Variants in CNTNAP5 observed in about 807,000 individuals in gnomAD.
CNTNAP5 encodes contactin-associated protein-like 5.
A neutral mutation model predicts 150.2 loss-of-function variants in CNTNAP5; 72 were observed. That is an observed-to-expected ratio of 0.48 (90% CI 0.40 to 0.58). CNTNAP5 has a LOEUF of 0.58. CNTNAP5 is among the 20% of genes least tolerant of loss of function. The pLI is 0.00. For missense variants in CNTNAP5, 1,636 were observed against 1,626.2 expected, an observed-to-expected ratio of 1.01 and a Z score of -0.10; for synonymous variants, 672 against 619.8, an observed-to-expected ratio of 1.08 and a Z score of -1.25.
intron 4 of CNTNAP5, among the ~76,000 whole-genome samples, chr2:124,422,521 C>T (rs1473270332): frequency 1.3e-5 from 2 of 152,216 alleles, no homozygotes; most frequent in African/African-American, 4.8e-5. Context: ...CTAACATCTG[C>T]TTCCCCTGAC....
intron 11 of CNTNAP5, among the ~76,000 whole-genome samples, chr2:124,583,274 G>A (rs1696454611): frequency 6.6e-6 from 1 of 152,210 alleles, no homozygotes; most frequent in Non-Finnish European, 1.5e-5. Context: ...ATAGCAAGGA[G>A]CAGGAATACT....
intron 8 of CNTNAP5, among the ~76,000 whole-genome samples, chr2:124,516,551 G>A (rs1573429503): frequency 1.3e-5 from 2 of 152,178 alleles, no homozygotes; most frequent in Non-Finnish European, 2.9e-5. Context: ...GGAATAACAG[G>A]TGAATAAAGC....
At chr2:124,767,388 G>T (rs1681090410) in intron 16 of CNTNAP5, among the ~76,000 whole-genome samples, 1 of 152,304 alleles carries the variant, frequency 6.6e-6, no homozygotes, top group South Asian at 2.1e-4. Flanking sequence ...AAGTCTTAGT[G>T]AATGTGTTTT....
chr2:124,510,213 C>G (rs1694525627), intron 8 of CNTNAP5, among the ~76,000 whole-genome samples: 2 of 125,490 alleles, frequency 1.6e-5, no homozygotes, highest in Non-Finnish European at 3.4e-5. Context: ...ATCTAAGAAA[C>G]AAACAAAAAA....
chr2:124,443,155 A>G (rs1297308285), intron 5 of CNTNAP5, among the ~76,000 whole-genome samples: 2 of 151,680 alleles, frequency 1.3e-5, no homozygotes, highest in Non-Finnish European at 2.9e-5. Context: ...AAAGATCTAA[A>G]GTAAATAGAA....
chr2:124,207,933 T>C (rs115432883), intron 1 of CNTNAP5, among the ~76,000 whole-genome samples: 1,827 of 152,292 alleles, frequency 0.012, 18 homozygotes, highest in Non-Finnish European at 0.021. Context: ...ATAACATTTA[T>C]AGCATTTTAT....
intron 7 of CNTNAP5, among the ~76,000 whole-genome samples, chr2:124,499,009 C>G (rs1166779699): frequency 6.6e-6 from 1 of 152,164 alleles, no homozygotes; most frequent in African/African-American, 2.4e-5. Flanking sequence ...CCCAGAAAAG[C>G]ATCAGATCTG....
chr2:124,618,728 A>T (rs1677541526), intron 12 of CNTNAP5, among the ~76,000 whole-genome samples: 1 of 152,180 alleles, frequency 6.6e-6, no homozygotes, highest in South Asian at 2.1e-4. Flanking sequence ...CAAGTGGAAG[A>T]TTTCCATATT....
At chr2:124,455,033 A>G (rs1397533700) in intron 6 of CNTNAP5, among the ~76,000 whole-genome samples, 1 of 152,154 alleles carries the variant, frequency 6.6e-6, no homozygotes, top group Non-Finnish European at 1.5e-5. Flanking sequence ...GAAGAAAGGA[A>G]ATAACAAAGA....
intron 7 of CNTNAP5, among the ~76,000 whole-genome samples, chr2:124,490,270 T>C (rs1693987411): frequency 6.7e-6 from 1 of 149,276 alleles, no homozygotes; most frequent in African/African-American, 2.5e-5. Context: ...GGAGGTGGAG[T>C]TTGCAGGGGA....
At chr2:124,656,911 T>C (rs1285263002) in intron 13 of CNTNAP5, among the ~76,000 whole-genome samples, 1 of 152,230 alleles carries the variant, frequency 6.6e-6, no homozygotes, top group African/African-American at 2.4e-5. Flanking sequence ...CACTGTTTTC[T>C]CTTCCTTTAT....
chr2:124,246,377 G>T (rs896418674), intron 3 of CNTNAP5, among the ~76,000 whole-genome samples: 1 of 152,078 alleles, frequency 6.6e-6, no homozygotes. Context: ...CATGATTTAT[G>T]CACAAGCCAG....
intron 1 of CNTNAP5, among the ~76,000 whole-genome samples, chr2:124,046,013 A>G (rs955909397): frequency 2.2e-4 from 34 of 152,244 alleles, no homozygotes; most frequent in African/African-American, 7.7e-4. Flanking sequence ...AAACGCATCC[A>G]TGACCCAGAA....
intron 1 of CNTNAP5, among the ~76,000 whole-genome samples, chr2:124,040,077 A>G (rs540397220): frequency 5.3e-5 from 8 of 152,306 alleles, no homozygotes; most frequent in Admixed American, 4.6e-4. Flanking sequence ...GGAAATTAAT[A>G]TCTACTTATT....
chr2:124,251,270 G>A (rs1687166831), intron 3 of CNTNAP5, among the ~76,000 whole-genome samples: 1 of 147,540 alleles, frequency 6.8e-6, no homozygotes, highest in African/African-American at 2.5e-5. Flanking sequence ...GAGCTCATAG[G>A]AAAAAGAAAC....
intron 3 of CNTNAP5, among the ~76,000 whole-genome samples, chr2:124,318,177 T>C (rs1689013759): frequency 1.3e-5 from 2 of 152,030 alleles, no homozygotes. Context: ...GCCCCAAAAC[T>C]ACAGGCAGAG....
rs146805475 is a variant in CNTNAP5, at chr2:124,294,053, G to T, written c.381+51660G>T. 4.2e-4 allele frequency among the ~76,000 whole-genome samples: 64 copies of T among 152,278 alleles called. No homozygotes were observed. In the East Asian group the frequency reaches 0.011, roughly 27 times the overall value. On this transcript the variant is annotated intron_variant, in intron 3 of 23. Coordinates refer to ENST00000682447, the MANE Select transcript of CNTNAP5 (RefSeq NM_001367498.1). ...CCAGGATGCATGGGGCTGGGAGAAAGGGTAGGGTGGAAGGAGGCTGGGTGT... is the reference window on the plus strand; with the variant it reads ...CCAGGATGCATGGGGCTGGGAGAAATGGTAGGGTGGAAGGAGGCTGGGTGT...
Position 124,341,940 on chromosome 2 carries a change from A to T in CNTNAP5, c.382-75503A>T, listed in dbSNP as rs1041114097. 3.9e-5 allele frequency among the ~76,000 whole-genome samples: 6 copies of T among 152,162 alleles called. No homozygotes were observed. In the East Asian group the frequency reaches 1.2e-3, roughly 29 times the overall value. Reference sequence around the variant, plus strand: ...TAATTTTAGTTATCTCAAGTCAGAAAATTGGGAGAAAATTGGAAATGCTGT... The same window carrying T: ...TAATTTTAGTTATCTCAAGTCAGAATATTGGGAGAAAATTGGAAATGCTGT... On this transcript the variant is annotated intron_variant, in intron 3 of 23. Transcript: ENST00000682447.
Position 124,025,666 on chromosome 2 carries a change from C to G in CNTNAP5, c.16C>G (p.Arg6Gly), listed in dbSNP as rs775432842. The change falls in exon 1 of 24, where the codon CGG (arginine) becomes GGG (glycine). Residue 6 changes from arginine (R) to glycine (G), a missense_variant. Arg to Gly is a moderately radical substitution (Grantham distance 125, BLOSUM62 -2). Coordinates refer to ENST00000682447, the MANE Select transcript of CNTNAP5 (RefSeq NM_001367498.1). ...CTCGGGGGAAATGGATTCTTTACCA[C>G]GGCTGACCAGCGTTTTGACTTTGCT... MDSLPRLTSVLTLLFS... is the reference protein window; with the variant it reads MDSLPGLTSVLTLLFS... 18 of 1,613,806 alleles carry G rather than the reference C, an allele frequency of 1.1e-5. No individual in the cohort carries two copies. Among genetic ancestry groups the G allele is most frequent in the South Asian group, 1.1e-4 (10 of 91,082 alleles).
Sources: allele counts gnomAD v4.1 joint callset (sites outside exome capture counted in the v4.1 genomes callset), GRCh38; gene constraint gnomAD v4.1.1; transcripts MANE v1.5; gene names NCBI Gene and HGNC (gene_info 2026-07-23, HGNC 2026-07-21).